The following FARP1 variants were observed in gnomAD, a reference collection of about 807,000 sequenced individuals.
FARP1 encodes the protein FERM, ARH/RhoGEF and pleckstrin domain protein 1.
In FARP1, 52 loss-of-function variants were observed where a neutral mutation model predicts 128.8. The ratio of observed to expected loss-of-function variants is 0.40; its 90% CI spans 0.32 to 0.51. The LOEUF is 0.51. Ranked by LOEUF, FARP1 falls within the 20% of genes least tolerant of loss-of-function variation. The pLI is 0.45. For synonymous variants in FARP1, 580 were observed against 551.8 expected, an observed-to-expected ratio of 1.05 and a Z score of -0.72; for missense variants, 1,333 against 1,367.9, an observed-to-expected ratio of 0.97 and a Z score of 0.40.
At chr13:98,322,945 T>C (rs920923940) in intron 2 of FARP1, among the ~76,000 whole-genome samples, 22 of 152,194 alleles carry the variant, frequency 1.4e-4, no homozygotes, top group Non-Finnish European at 2.9e-4. Context: ...GAGGAAAATA[T>C]TTGCATTCGT....
At chr13:98,294,307 C>CT (rs577411226) in intron 2 of FARP1, among the ~76,000 whole-genome samples, 18 of 152,240 alleles carry the variant, frequency 1.2e-4, no homozygotes, top group African/African-American at 4.1e-4. Context: ...TATGGGATGC[C>CT]ATGAAGGGTT....
intron 16 of FARP1, among the ~76,000 whole-genome samples, chr13:98,418,329 C>T (rs1785286762): frequency 6.6e-6 from 1 of 151,922 alleles, no homozygotes; most frequent in South Asian, 2.1e-4. Context: ...GGATAGAATG[C>T]AGCAGTGTGA....
chr13:98,150,815 T>TTA (rs1305115327), intron 1 of FARP1, among the ~76,000 whole-genome samples: 1 of 152,150 alleles, frequency 6.6e-6, no homozygotes, highest in African/African-American at 2.4e-5. Context: ...AAAAAAGTGT[T>TTA]TAAGATTATG....
intron 2 of FARP1, among the ~76,000 whole-genome samples, chr13:98,238,723 C>T (rs969618203): frequency 6.6e-6 from 1 of 152,142 alleles, no homozygotes; most frequent in Non-Finnish European, 1.5e-5. Flanking sequence ...AAGTCCTTCC[C>T]AGGACATGTG....
At chr13:98,443,615 AC>A (rs1892623245) in intron 24 of FARP1, among the ~76,000 whole-genome samples, 1 of 151,978 alleles carries the variant, frequency 6.6e-6, no homozygotes, top group African/African-American at 2.4e-5. Context: ...GTATCTGGGG[AC>A]CGTGTGGCCT....
intron 9 of FARP1, among the ~76,000 whole-genome samples, chr13:98,389,139 G>A (rs9582223): frequency 0.06 from 9,208 of 152,290 alleles, 826 homozygotes; most frequent in African/African-American, 0.2. Context: ...TGTAGCTACA[G>A]TCTGGGTTCA....
chr13:98,356,186 A>G (rs1001272293), intron 3 of FARP1, among the ~76,000 whole-genome samples: 39 of 152,196 alleles, frequency 2.6e-4, no homozygotes, highest in Non-Finnish European at 3.1e-4. Context: ...AAATCTCTGT[A>G]ATTATAATTG....
chr13:98,242,554 C>T (rs957703073), intron 2 of FARP1, among the ~76,000 whole-genome samples: 3 of 152,050 alleles, frequency 2.0e-5, no homozygotes, highest in Non-Finnish European at 4.4e-5. Context: ...TGCTGTGTGC[C>T]TATAGTCCCA....
intron 6 of FARP1, among the ~76,000 whole-genome samples, chr13:98,380,018 A>G (rs1889829844): frequency 6.6e-6 from 1 of 152,208 alleles, no homozygotes; most frequent in Non-Finnish European, 1.5e-5. Flanking sequence ...TGAAATAGTA[A>G]CTTCATAAAA....
rs185573975 is a variant in FARP1, at chr13:98,221,746, T to C, written c.171+8333T>C. On this transcript the variant is annotated intron_variant, in intron 2 of 26. Transcript: ENST00000319562. The stretch of plus-strand genomic sequence containing the variant: ...AGTCAGGATGTTCCTGGGTGAATCA[T>C]GTGTCCCTCTACCATGGACTGGATG... Among the ~76,000 whole-genome samples the C allele has an allele frequency of 9.2e-3, 1,398 of 152,308 alleles. 20 individuals carry two copies. The highest frequency in any genetic ancestry group is 0.014 in the Non-Finnish European group (937 of 68,022).
At chr13:98,270,352 T>G (rs1884333609) in intron 2 of FARP1, among the ~76,000 whole-genome samples, 1 of 151,974 alleles carries the variant, frequency 6.6e-6, no homozygotes, top group African/African-American at 2.4e-5. Flanking sequence ...GTCAAAAGGG[T>G]TTTGTGCTTA....
chr13:98,181,200 T>A (rs1566710072), intron 1 of FARP1, among the ~76,000 whole-genome samples: 1 of 152,154 alleles, frequency 6.6e-6, no homozygotes, highest in Non-Finnish European at 1.5e-5. Flanking sequence ...GCCTACTAAG[T>A]GAAGGAAAAA....
At chr13:98,147,187 C>A (rs1475017638) in intron 1 of FARP1, among the ~76,000 whole-genome samples, 2 of 152,184 alleles carry the variant, frequency 1.3e-5, no homozygotes, top group African/African-American at 4.8e-5. Flanking sequence ...CAAGTGGATA[C>A]TTTGAGCAAA....
At chr13:98,282,573 A>G (rs1009364219) in intron 2 of FARP1, among the ~76,000 whole-genome samples, 6 of 152,176 alleles carry the variant, frequency 3.9e-5, no homozygotes, top group African/African-American at 1.4e-4. Context: ...CTACTCAGAA[A>G]TTATTTCTAT....
At chr13:98,306,417 G>A (rs1338355507) in intron 2 of FARP1, among the ~76,000 whole-genome samples, 9 of 152,202 alleles carry the variant, frequency 5.9e-5, no homozygotes, top group Admixed American at 3.3e-4. Flanking sequence ...GAAAACAGTC[G>A]AAGAGTTTTA....
At chr13:98,447,312 T>A (rs542837936) in intron 26 of FARP1, 1 of 154,142 alleles carries the variant, frequency 6.5e-6, no homozygotes, top group East Asian at 1.9e-4. Flanking sequence ...AGGGGAGGGG[T>A]CCTCAGCAAT....
chr13:98,210,169 G>A lies in FARP1; in HGVS notation c.-23-3051G>A, dbSNP rs182526221. On this transcript the variant is annotated intron_variant, in intron 1 of 26. Transcript: ENST00000319562. ...ACTTTTTCTCAAATGTGAGTGAGAC[G>A]CAGCTCACAGTTCCATTCCTTGCAC... is the stretch of plus-strand genomic sequence containing the variant. Among the ~76,000 whole-genome samples the A allele has an allele frequency of 9.9e-5, 15 of 152,132 alleles. 1 individual carries two copies. The highest frequency in any genetic ancestry group is 6.8e-3 in the Middle Eastern group (2 of 294).
chr13:98,276,753 G>A (rs1884671598), intron 2 of FARP1, among the ~76,000 whole-genome samples: 3 of 152,148 alleles, frequency 2.0e-5, no homozygotes, highest in African/African-American at 4.8e-5. Context: ...TAATATAATT[G>A]CATAGGATGT....
chr13:98,313,236 T>C (rs964787165), intron 2 of FARP1, among the ~76,000 whole-genome samples: 2 of 90,768 alleles, frequency 2.2e-5, no homozygotes, highest in Non-Finnish European at 4.5e-5. Context: ...ATCGGGTGGG[T>C]CATAATACAC....
Sources: gnomAD v4.1 joint callset for allele counts (sites outside exome capture counted in the v4.1 genomes callset) on GRCh38, gnomAD v4.1.1 for gene constraint, MANE v1.5 for transcripts, NCBI Gene and HGNC (gene_info 2026-07-23, HGNC 2026-07-21) for gene names.